The following ZWILCH variants were observed in gnomAD, a reference collection of about 807,000 sequenced individuals.
ZWILCH encodes protein zwilch homolog.
ZWILCH carries 74 observed loss-of-function variants against 79.9 expected under a neutral mutation model. That is an observed-to-expected ratio of 0.93 (90% CI 0.77 to 1.12). ZWILCH has a LOEUF of 1.12. ZWILCH is among the 50% of genes most tolerant of loss of function. The pLI is 0.00. For synonymous variants in ZWILCH, 241 were observed against 228.2 expected (o/e 1.06, Z -0.51); for missense variants, 694 against 687.5 (o/e 1.01, Z -0.11).
chr15:66,545,751 A>AT (rs1396612173), intron 17 of ZWILCH, among the ~76,000 whole-genome samples: 2 of 152,230 alleles, frequency 1.3e-5, no homozygotes, highest in African/African-American at 4.8e-5. Flanking sequence ...CGAAGGGGGT[A>AT]TCTCATTTGT....
intron 17 of ZWILCH, among the ~76,000 whole-genome samples, chr15:66,542,813 C>G (rs1408732322): frequency 1.3e-5 from 2 of 151,970 alleles, no homozygotes; most frequent in Non-Finnish European, 1.5e-5. Flanking sequence ...GGCAACATAG[C>G]GAGATTCCAT....
chr15:66,505,649 C>T (rs1392072121), intron 1 of ZWILCH: 2 of 518,690 alleles, frequency 3.9e-6, no homozygotes, highest in Non-Finnish European at 6.7e-6. Flanking sequence ...GCGATTTATT[C>T]TTTCTGCTGA....
chr15:66,532,881 A>G, intron 13 of ZWILCH, 104 bp from the exon 14 acceptor site: 3 of 770,990 alleles, frequency 3.9e-6, no homozygotes, highest in Non-Finnish European at 5.6e-6. Context: ...TTAATATGTA[A>G]TTTAAGAATT....
chr15:66,528,957 A>G lies in ZWILCH; in HGVS notation c.1075A>G (p.Ser359Gly). The change falls in exon 11 of 19, where the codon AGT becomes GGT. Residue 359 changes from serine (S) to glycine (G), a missense_variant and splice_region_variant. Physicochemically the swap from Ser to Gly is moderately conservative, Grantham distance 56 (BLOSUM62 0). Transcript: ENST00000307897. ...AEQLWCKMSS[S>G]VISYQDLVKC... is the part of the protein sequence containing the mutation. Reference sequence around the variant, plus strand: ...GCAACTGTGGTGCAAAATGAGCAGTAGTAGGTGTCCATCATGATTTAAATT... The same window carrying G: ...GCAACTGTGGTGCAAAATGAGCAGTGGTAGGTGTCCATCATGATTTAAATT... The G allele has an allele frequency of 6.2e-7, 1 of 1,610,564 alleles. No individual in the cohort carries two copies. The highest frequency in any genetic ancestry group is 8.5e-7 in the Non-Finnish European group (1 of 1,177,100).
At chr15:66,542,702 A>G (rs1895232345) in intron 17 of ZWILCH, among the ~76,000 whole-genome samples, 1 of 152,172 alleles carries the variant, frequency 6.6e-6, no homozygotes, top group South Asian at 2.1e-4. Flanking sequence ...AGGAAATTCA[A>G]ATGTGGTTTT....
At chr15:66,519,203 AC>A in intron 5 of ZWILCH, 125 bp downstream of exon 5, 1 of 866,558 alleles carries the variant, frequency 1.2e-6, no homozygotes, top group Non-Finnish European at 1.8e-6. Flanking sequence ...TGCATTAATC[AC>A]CATAAATCTA....
intron 2 of ZWILCH, among the ~76,000 whole-genome samples, chr15:66,510,248 G>T (rs1170634976): frequency 7.2e-6 from 1 of 139,844 alleles, no homozygotes; most frequent in African/African-American, 2.5e-5. Context: ...AATGCCAGGT[G>T]CAGTAGCTTG....
chr15:66,522,340 T>TA (rs942861112), intron 7 of ZWILCH, among the ~76,000 whole-genome samples: 20 of 151,574 alleles, frequency 1.3e-4, no homozygotes, highest in African/African-American at 4.8e-4. Flanking sequence ...TCTTTTTTTT[T>TA]TTTTTTTTTC....
chr15:66,542,473 T>A (rs1895222556), intron 17 of ZWILCH, among the ~76,000 whole-genome samples: 1 of 152,036 alleles, frequency 6.6e-6, no homozygotes, highest in African/African-American at 2.4e-5. Context: ...TAGTCCCAGC[T>A]CTTCGGGAGG....
intron 2 of ZWILCH, among the ~76,000 whole-genome samples, chr15:66,509,187 G>A (rs537283963): frequency 1.4e-3 from 213 of 152,152 alleles, no homozygotes; most frequent in Middle Eastern, 0.01. Context: ...TGATCCGCCC[G>A]CCTCGGCCTC....
At chr15:66,520,795 A>C in intron 6 of ZWILCH, 135 bp downstream of exon 6, 1 of 720,938 alleles carries the variant, frequency 1.4e-6, no homozygotes, top group Non-Finnish European at 2.3e-6. Context: ...GTTTATTTTC[A>C]TATCAGCTAA....
chr15:66,507,031 A>G (rs1403161392), intron 1 of ZWILCH, among the ~76,000 whole-genome samples: 1 of 151,644 alleles, frequency 6.6e-6, no homozygotes, highest in Non-Finnish European at 1.5e-5. Flanking sequence ...TGATTTTTGT[A>G]TTTTTATTTT....
intron 1 of ZWILCH, 181 bp downstream of exon 1, chr15:66,505,572 CT>C: frequency 1.5e-6 from 1 of 649,304 alleles, no homozygotes; most frequent in East Asian, 3.0e-5. Context: ...CGTGTGGGAG[CT>C]TGCTTGTCTC....
intron 11 of ZWILCH, 123 bp downstream of exon 11, chr15:66,529,080 A>G: frequency 1.4e-6 from 1 of 702,302 alleles, no homozygotes; most frequent in Non-Finnish European, 2.4e-6. Flanking sequence ...ACTTTATCTA[A>G]TTCATTTCTA....
intron 7 of ZWILCH, 76 bp downstream of exon 7, chr15:66,521,281 C>G (rs767877152): frequency 9.8e-6 from 15 of 1,534,946 alleles, no homozygotes; most frequent in South Asian, 1.2e-5. Flanking sequence ...TGCTGGTGCT[C>G]CATGCCTCTA....
At chr15:66,545,032 G>A (rs1452126080) in intron 17 of ZWILCH, among the ~76,000 whole-genome samples, 2 of 151,722 alleles carry the variant, frequency 1.3e-5, no homozygotes, top group Admixed American at 6.6e-5. Context: ...GTGAGCCACT[G>A]TGCCCAGCTG....
chr15:66,516,281 C>G (rs1894252092), intron 4 of ZWILCH, among the ~76,000 whole-genome samples: 1 of 152,192 alleles, frequency 6.6e-6, no homozygotes, highest in Non-Finnish European at 1.5e-5. Context: ...CTCTGGCTAC[C>G]TCTCCAGCTT....
rs1015192410 is a variant in ZWILCH, at chr15:66,520,673, C to A, written c.591+13C>A. 18 of 1,519,466 alleles carry A rather than the reference C, an allele frequency of 1.2e-5. No individual in the cohort carries two copies. Among genetic ancestry groups the A allele is most frequent in the Non-Finnish European group, 1.6e-5 (18 of 1,111,508 alleles). 94.1% of individuals were successfully genotyped at this position (1,519,466 alleles called of 1,614,324 possible). A position where few individuals can be genotyped will look rare whatever the true frequency, so the allele number is the denominator to read the frequency against. ...TCACTTGTCTACTGTAAGTGTTTTG[C>A]TTCTACTCATATTATTTTCTTCAAA... On this transcript the variant is annotated intron_variant, in intron 6 of 18. Transcript: ENST00000307897.
chr15:66,533,894 C>G (rs568721828), intron 14 of ZWILCH, among the ~76,000 whole-genome samples: 13 of 152,166 alleles, frequency 8.5e-5, no homozygotes, highest in Non-Finnish European at 1.2e-4. Context: ...ATCACTTGAG[C>G]CCAGGAGTGT....
Sources: allele counts gnomAD v4.1 joint callset (sites outside exome capture counted in the v4.1 genomes callset), GRCh38; gene constraint gnomAD v4.1.1; transcripts MANE v1.5; gene names NCBI Gene and HGNC (gene_info 2026-07-23, HGNC 2026-07-21).